RPL31: variants seen among roughly 807,000 people sequenced by gnomAD.
The protein encoded by RPL31 is ribosomal protein L31, also known as large ribosomal subunit protein eL31.
For synonymous variants in RPL31, 51 were observed against 55.0 expected, an observed-to-expected ratio of 0.93 and a Z score of 0.32; for missense variants, 95 against 164.0, an observed-to-expected ratio of 0.58 and a Z score of 2.30.
rs1194860697 is a variant in RPL31 at position 101,016,676 on chromosome 2, A to C, written c.347-2322A>C. ...ATAGCAAAGACTTGGAACCAACCCAAATGTCCAACAAGGATAGACTGGATT... is the reference window on the plus strand; with the variant it reads ...ATAGCAAAGACTTGGAACCAACCCACATGTCCAACAAGGATAGACTGGATT... On this transcript the variant is annotated intron_variant, in intron 4 of 4. Transcript: ENST00000409028. Among the ~76,000 whole-genome samples the C allele has an allele frequency of 2.0e-5, 3 of 152,232 alleles. No homozygotes were observed. In the South Asian group the frequency reaches 6.2e-4, roughly 31 times the overall value.
At position 101,012,818 on chromosome 2, in the gene RPL31, T is replaced by G. The variant is rs146722101; in HGVS notation, c.347-6180T>G. Among the ~76,000 whole-genome samples the G allele has an allele frequency of 2.5e-3, 387 of 152,310 alleles. 4 individuals are homozygous for G. The highest frequency in any genetic ancestry group is 9.0e-3 in the African/African-American group (375 of 41,560). Reference sequence around the variant, plus strand: ...ATAAATCAAAGGCAAAATTCAGCTGTGATTCAACAAGCTTCCACAAGATGG... The same window carrying G: ...ATAAATCAAAGGCAAAATTCAGCTGGGATTCAACAAGCTTCCACAAGATGG... On this transcript the variant is annotated intron_variant, in intron 4 of 4. Transcript: ENST00000409028.
exon 5 of RPL31, chr2:101,019,302 T>G (rs1242929521): frequency 5.7e-6 from 2 of 352,072 alleles, no homozygotes; most frequent in African/African-American, 4.1e-5. Context: ...GTAATCTCAT[T>G]ATACTTCCTG....
In RPL31 at chr2:101,002,963, G is replaced by A. The variant is rs537518885; in HGVS notation, c.107+155G>A. On this transcript the variant is annotated intron_variant, in intron 2 of 4. Transcript: ENST00000264258. ...ACAAATCCTGTGGGCTCTACCCTCC[G>A]AATACATTCACAGTCTGACCAGCTG... Among the ~76,000 whole-genome samples the A allele has an allele frequency of 3.3e-5, 5 of 152,080 alleles. No homozygotes were observed. The South Asian group carries it at 1.0e-3, about 32-fold the overall frequency.
intron 2 of RPL31, 149 bp downstream of exon 2, chr2:101,002,957 C>T (rs1678595952): frequency 7.7e-6 from 5 of 647,786 alleles, no homozygotes; most frequent in Admixed American, 2.6e-5. Context: ...GTGGGCTCTA[C>T]CCTCCGAATA....
intron 4 of RPL31, chr2:101,018,928 C>A (rs1004883023): frequency 7.0e-6 from 11 of 1,573,408 alleles, no homozygotes; most frequent in Non-Finnish European, 9.5e-6. Flanking sequence ...ATGTCCTAAT[C>A]TTCTGGAATG....
chr2:101,016,392 T>G (rs1211223507), intron 4 of RPL31, among the ~76,000 whole-genome samples: 1 of 151,966 alleles, frequency 6.6e-6, no homozygotes, highest in East Asian at 1.9e-4. Flanking sequence ...TCACACCAGT[T>G]AGAATGGCAA....
downstream of RPL31, among the ~76,000 whole-genome samples, chr2:101,008,848 T>G (rs941140061): frequency 7.2e-5 from 11 of 152,008 alleles, no homozygotes; most frequent in African/African-American, 2.7e-4. Context: ...ACGTACAGAT[T>G]TATCTGTAGG....
At chr2:101,012,162 T>A (rs1374068917), downstream of RPL31, among the ~76,000 whole-genome samples, 1 of 152,210 alleles carries the variant, frequency 6.6e-6, no homozygotes, top group East Asian at 1.9e-4. Context: ...TGGCAGTTTT[T>A]AAAAAAGTTA....
downstream of RPL31, among the ~76,000 whole-genome samples, chr2:101,008,661 A>AATT (rs1558962926): frequency 6.6e-6 from 1 of 152,192 alleles, no homozygotes; most frequent in South Asian, 2.1e-4. Context: ...AAAAATACAA[A>AATT]ATTAGCCAGG....
intron 4 of RPL31, among the ~76,000 whole-genome samples, chr2:101,017,571 C>T (rs1430959628): frequency 1.3e-5 from 2 of 152,224 alleles, no homozygotes; most frequent in Non-Finnish European, 2.9e-5. Context: ...CCCTATGTGG[C>T]ACACAACAGT....
chr2:101,010,570 C>CA, downstream of RPL31, among the ~76,000 whole-genome samples: 1 of 152,044 alleles, frequency 6.6e-6, no homozygotes, highest in South Asian at 2.1e-4. Flanking sequence ...GCTTGATTCT[C>CA]AGATTAATCA....
chr2:101,012,913 A>G (rs1469129016), intron 4 of RPL31, among the ~76,000 whole-genome samples: 2 of 152,250 alleles, frequency 1.3e-5, no homozygotes, highest in African/African-American at 4.8e-5. Context: ...GCAGTGGCAC[A>G]TGTAAGAATC....
chr2:101,014,410 C>T (rs755955304), intron 4 of RPL31, among the ~76,000 whole-genome samples: 2 of 152,098 alleles, frequency 1.3e-5, no homozygotes, highest in Non-Finnish European at 2.9e-5. Context: ...ATCAGGACTG[C>T]GTGTTAAACT....
chr2:101,013,726 C>G (rs772592481), intron 4 of RPL31, among the ~76,000 whole-genome samples: 4 of 152,214 alleles, frequency 2.6e-5, no homozygotes, highest in Non-Finnish European at 4.4e-5. Flanking sequence ...AAATGGGATG[C>G]CTGTGGAGGC....
chr2:101,009,393 G>C (rs1391682166), downstream of RPL31, among the ~76,000 whole-genome samples: 1 of 143,888 alleles, frequency 6.9e-6, no homozygotes, highest in Non-Finnish European at 1.5e-5. Flanking sequence ...GCGACAGAGT[G>C]AGACTCTGTC....
downstream of RPL31, among the ~76,000 whole-genome samples, chr2:101,010,451 T>G (rs1679116357): frequency 6.6e-6 from 1 of 152,192 alleles, no homozygotes; most frequent in Non-Finnish European, 1.5e-5. Flanking sequence ...GCCTCCTGTT[T>G]TGAAGCGATT....
intron 4 of RPL31, among the ~76,000 whole-genome samples, chr2:101,018,787 G>C (rs1313010502): frequency 6.6e-6 from 1 of 152,132 alleles, no homozygotes; most frequent in African/African-American, 2.4e-5. Context: ...TTTCTCAGCA[G>C]TTTGTTATGT....
At chr2:101,014,198 T>G (rs955567059) in intron 4 of RPL31, among the ~76,000 whole-genome samples, 57 of 145,824 alleles carry the variant, frequency 3.9e-4, no homozygotes, top group African/African-American at 1.4e-3. Context: ...TTCGCAAAAG[T>G]TTTTTTTTTT....
intron 4 of RPL31, among the ~76,000 whole-genome samples, chr2:101,015,837 TAATA>T (rs1188538149): frequency 6.6e-6 from 1 of 152,144 alleles, no homozygotes; most frequent in Non-Finnish European, 1.5e-5. Flanking sequence ...ATTCCCTATT[TAATA>T]AATGGTGTTG....
Sources: gnomAD v4.1 joint callset for allele counts (sites outside exome capture counted in the v4.1 genomes callset) on GRCh38, gnomAD v4.1.1 for gene constraint, MANE v1.5 for transcripts, NCBI Gene and HGNC (gene_info 2026-07-23, HGNC 2026-07-21) for gene names.